PCDHGB4: variants seen among roughly 807,000 people sequenced by gnomAD.
PCDHGB4 encodes the protein protocadherin gamma-B4.
A neutral mutation model predicts 60.5 loss-of-function variants in PCDHGB4; 38 were observed. The observed-to-expected ratio is 0.63, with a 90% confidence interval of 0.48 to 0.82. The LOEUF is 0.82. Ranked by LOEUF, PCDHGB4 falls within the 40% of genes least tolerant of loss-of-function variation. PCDHGB4 has a pLI of 0.00. For synonymous variants in PCDHGB4, 456 were observed against 509.7 expected (o/e 0.89, Z 1.42); for missense variants, 1,109 against 1,209.6 (o/e 0.92, Z 1.23).
chr5:141,394,535 C>T, intron 1 of PCDHGB4: 1 of 1,614,210 alleles, frequency 6.2e-7, no homozygotes, highest in Non-Finnish European at 8.5e-7. Flanking sequence ...GTTCCACTGG[C>T]GTGGAGCTGG....
chr5:141,488,548 T>C (rs112676623), intron 1 of PCDHGB4, among the ~76,000 whole-genome samples: 2 of 152,318 alleles, frequency 1.3e-5, no homozygotes, highest in African/African-American at 4.8e-5. Flanking sequence ...CCATGTCAGC[T>C]GACATTGAGA....
intron 1 of PCDHGB4, among the ~76,000 whole-genome samples, chr5:141,435,219 C>A (rs1226171884): frequency 6.6e-6 from 1 of 152,118 alleles, no homozygotes; most frequent in Non-Finnish European, 1.5e-5. Flanking sequence ...AATTTACTTT[C>A]TTTCAAAGTT....
intron 1 of PCDHGB4, among the ~76,000 whole-genome samples, chr5:141,436,839 A>G (rs1247924864): frequency 6.6e-6 from 1 of 152,260 alleles, no homozygotes; most frequent in African/African-American, 2.4e-5. Flanking sequence ...GTGCCTAGGC[A>G]CATTCTTGAT....
At chr5:141,470,851 A>G (rs1410012138) in intron 1 of PCDHGB4, among the ~76,000 whole-genome samples, 2 of 151,876 alleles carry the variant, frequency 1.3e-5, no homozygotes, top group Non-Finnish European at 2.9e-5. Context: ...CCATGCTCAG[A>G]TAAGTTTTTT....
chr5:141,431,090 G>C lies in PCDHGB4; in HGVS notation c.2397+40809G>C. On this transcript the variant is annotated intron_variant, in intron 1 of 3. Transcript: ENST00000519479. The surrounding 1 kb of genome is among the most constrained non-coding windows in gnomAD (Gnocchi z 4.8). ...TCAATTAAATCTAGACATTCTGATG[G>C]AGGATAAAGTGAAAATATATGGAGT... is the stretch of plus-strand genomic sequence containing the variant. 6.2e-7 allele frequency: 1 copy of C among 1,614,246 alleles called. No homozygotes were observed. The highest frequency in any genetic ancestry group is 8.5e-7 in the Non-Finnish European group (1 of 1,180,032).
chr5:141,393,642 G>C, intron 1 of PCDHGB4: 1 of 1,613,940 alleles, frequency 6.2e-7, no homozygotes, highest in Non-Finnish European at 8.5e-7. Context: ...CAACGGAAAA[G>C]TGGCATACAA....
At chr5:141,478,717 C>T (rs1381812771) in intron 1 of PCDHGB4, 1 of 1,545,032 alleles carries the variant, frequency 6.5e-7, no homozygotes, top group South Asian at 1.2e-5. Context: ...GAGATGGTGG[C>T]CTGCCAGAGT....
chr5:141,487,516 G>A lies in PCDHGB4; in HGVS notation c.2398-7291G>A, dbSNP rs2099648095. On this transcript the variant is annotated intron_variant, in intron 1 of 3. Coordinates refer to ENST00000519479, the MANE Select transcript of PCDHGB4 (RefSeq NM_003736.4). The surrounding 1 kb of genome is among the most constrained non-coding windows in gnomAD (Gnocchi z 5.0). ...CACCCTTGGCTTCTGCACCCACTCG[G>A]AGTGATAGCTTCATGATGGTGAAGT... 6.2e-7 allele frequency: 1 copy of A among 1,614,078 alleles called. No individual in the cohort carries two copies. The highest frequency in any genetic ancestry group is 1.7e-5 in the Admixed American group (1 of 60,010).
intron 1 of PCDHGB4, chr5:141,418,063 G>C (rs2015825): frequency 1.9e-6 from 3 of 1,613,754 alleles, no homozygotes; most frequent in Admixed American, 1.7e-5. Flanking sequence ...AGCTGCGAGT[G>C]AGCGCGGAGA....
intron 1 of PCDHGB4, chr5:141,404,124 C>G: frequency 1.2e-6 from 2 of 1,613,272 alleles, no homozygotes; most frequent in Non-Finnish European, 1.7e-6. Flanking sequence ...GAGAATCTAT[C>G]TTTTACATTA....
In PCDHGB4 at chr5:141,421,238, G is replaced by C. The variant is rs920128735; in HGVS notation, c.2397+30957G>C. 3.1e-6 allele frequency: 5 copies of C among 1,597,422 alleles called. No individual in the cohort carries two copies. Among genetic ancestry groups the C allele is most frequent in the African/African-American group, 2.7e-5 (2 of 74,378 alleles). ...GGCTTAGAGCCTGCCATGGCGAATC[G>C]GCTACAGCGCGGGGACCGCAGTCGG... On this transcript the variant is annotated intron_variant, in intron 1 of 3. Transcript: ENST00000519479.
At chr5:141,394,364 G>A (rs1293513120) in intron 1 of PCDHGB4, 1 of 1,614,186 alleles carries the variant, frequency 6.2e-7, no homozygotes. Flanking sequence ...TGTATGCGCT[G>A]CAATCTTTCG....
At chr5:141,393,222 G>T (rs950133126) in intron 1 of PCDHGB4, 2 of 1,613,670 alleles carry the variant, frequency 1.2e-6, no homozygotes, top group East Asian at 2.2e-5. Flanking sequence ...CCAGGTCGAA[G>T]ATCTAGAAGT....
intron 1 of PCDHGB4, chr5:141,410,052 T>C: frequency 6.2e-7 from 1 of 1,613,122 alleles, no homozygotes; most frequent in Non-Finnish European, 8.5e-7. Context: ...CCCGGACTCT[T>C]CAGCCTGGGG....
In PCDHGB4 at chr5:141,398,481, C is replaced by T. The variant is rs377302058; in HGVS notation, c.2397+8200C>T. ...CTGAAAATCCACTGAACTTTTATCACGTGAATGTGGAGATCGAGGACATTA... is the reference window on the plus strand; with the variant it reads ...CTGAAAATCCACTGAACTTTTATCATGTGAATGTGGAGATCGAGGACATTA... On this transcript the variant is annotated intron_variant, in intron 1 of 3. Transcript: ENST00000519479. The T allele has an allele frequency of 6.8e-6, 11 of 1,607,008 alleles. No individual in the cohort carries two copies. In the African/African-American group the frequency reaches 8.1e-5, roughly 12 times the overall value.
rs1562137828 is a variant in PCDHGB4 at position 141,490,359 on chromosome 5, T to C, written c.2398-4448T>C. On this transcript the variant is annotated intron_variant, in intron 1 of 3. Transcript: ENST00000519479. This position sits in a 1 kb window ranked among gnomAD's most constrained non-coding sequence, Gnocchi z 5.4. ...TGGGCACAGTAGTGGGGTTGTTTAA[T>C]GTGCGAGACCGGGACTCAGGTAGAA... The C allele has an allele frequency of 1.9e-6, 3 of 1,614,212 alleles. No individual in the cohort carries two copies. The highest frequency in any genetic ancestry group is 2.5e-6 in the Non-Finnish European group (3 of 1,180,036).
chr5:141,417,004 AT>A (rs1462550813), intron 1 of PCDHGB4: 1 of 149,888 alleles, frequency 6.7e-6, no homozygotes, highest in African/African-American at 2.5e-5. Context: ...ATCTCAAATA[AT>A]TCTATTATTT....
chr5:141,487,377 C>G lies in PCDHGB4; in HGVS notation c.2398-7430C>G, dbSNP rs758216933. On this transcript the variant is annotated intron_variant, in intron 1 of 3. Coordinates refer to ENST00000519479, the MANE Select transcript of PCDHGB4 (RefSeq NM_003736.4). This position sits in a 1 kb window ranked among gnomAD's most constrained non-coding sequence, Gnocchi z 5.0. ...CCTGCTGGCACCTGTGCCTGTCTCA[C>G]CAGATCTCGAAGGAGGGAGGGGCTT... 6.2e-7 allele frequency: 1 copy of G among 1,614,190 alleles called. No individual in the cohort carries two copies. The highest frequency in any genetic ancestry group is 1.1e-5 in the South Asian group (1 of 91,086).
intron 1 of PCDHGB4, chr5:141,394,336 A>G (rs1205005872): frequency 1.9e-6 from 3 of 1,613,704 alleles, no homozygotes; most frequent in Non-Finnish European, 1.7e-6. Context: ...ATCTCCATCA[A>G]CTCTGACACC....
Sources: allele counts gnomAD v4.1 joint callset (sites outside exome capture counted in the v4.1 genomes callset), GRCh38; gene constraint gnomAD v4.1.1; non-coding constraint Gnocchi (gnomAD v3.1); transcripts MANE v1.5; gene names NCBI Gene and HGNC (gene_info 2026-07-23, HGNC 2026-07-21).